The following TLK1 variants were observed in gnomAD, a reference collection of about 807,000 sequenced individuals.
TLK1 encodes serine/threonine-protein kinase tousled-like 1.
A neutral mutation model predicts 105.3 loss-of-function variants in TLK1; 24 were observed. The ratio of observed to expected loss-of-function variants is 0.23; its 90% CI spans 0.17 to 0.32. The LOEUF (loss-of-function observed/expected upper bound fraction) is 0.32. TLK1 is among the 10% of genes least tolerant of loss of function. The pLI is 1.00. For missense variants in TLK1, 558 were observed against 910.5 expected (o/e 0.61, Z 4.98); for synonymous variants, 321 against 310.4 (o/e 1.03, Z -0.36).
intron 18 of TLK1, among the ~76,000 whole-genome samples, chr2:171,003,273 CAA>C (rs777049271): frequency 4.3e-3 from 296 of 68,356 alleles, no homozygotes; most frequent in African/African-American, 0.022. Flanking sequence ...GACTCCGTCT[CAA>C]AAAAAAAAAA....
chr2:171,184,035 C>T (rs569780729), intron 1 of TLK1, among the ~76,000 whole-genome samples: 8 of 152,092 alleles, frequency 5.3e-5, no homozygotes, highest in African/African-American at 1.7e-4. Flanking sequence ...TCTAATCACA[C>T]GGGTCCTTCA....
intron 1 of TLK1, among the ~76,000 whole-genome samples, chr2:171,196,988 T>C (rs1051670891): frequency 1.3e-5 from 2 of 152,318 alleles, no homozygotes; most frequent in South Asian, 4.1e-4. Flanking sequence ...AAGTCATAAT[T>C]TGGGCCTTTA....
At chr2:171,003,663 C>G (rs1050939880) in intron 18 of TLK1, among the ~76,000 whole-genome samples, 16 of 152,198 alleles carry the variant, frequency 1.1e-4, no homozygotes, top group Non-Finnish European at 1.0e-4. Context: ...AACAGATACT[C>G]AAAACAGTTG....
intron 13 of TLK1, among the ~76,000 whole-genome samples, chr2:171,013,317 A>ATT (rs1685014862): frequency 1.1e-5 from 1 of 90,992 alleles, no homozygotes; most frequent in Non-Finnish European, 2.3e-5. Context: ...CTGGCCCCTC[A>ATT]CTTTTTTTTT....
intron 1 of TLK1, among the ~76,000 whole-genome samples, chr2:171,157,360 C>CG (rs1692279769): frequency 1.3e-5 from 2 of 152,204 alleles, no homozygotes; most frequent in South Asian, 4.1e-4. Context: ...CTTTTTAACT[C>CG]GTCACTCCCT....
chr2:171,227,586 T>TG (rs1190023187), intron 1 of TLK1, among the ~76,000 whole-genome samples: 1 of 141,156 alleles, frequency 7.1e-6, no homozygotes, highest in African/African-American at 2.6e-5. Context: ...TTTTTTTTTT[T>TG]TTTTTTTTTT....
chr2:170,995,129 C>T (rs542657148), intron 20 of TLK1, among the ~76,000 whole-genome samples: 23 of 151,846 alleles, frequency 1.5e-4, no homozygotes, highest in African/African-American at 5.6e-4. Flanking sequence ...AACAAAGTTT[C>T]AGAGATCACT....
chr2:171,008,229 T>C (rs1232526866), intron 14 of TLK1, among the ~76,000 whole-genome samples: 2 of 152,072 alleles, frequency 1.3e-5, no homozygotes, highest in Non-Finnish European at 2.9e-5. Context: ...TGAGTGACTC[T>C]GTGCTAATAC....
chr2:171,218,131 G>A (rs1332517521), intron 1 of TLK1, among the ~76,000 whole-genome samples: 3 of 152,234 alleles, frequency 2.0e-5, no homozygotes, highest in African/African-American at 4.8e-5. Flanking sequence ...GCACATGCCT[G>A]TAGTTCCAGC....
intron 1 of TLK1, among the ~76,000 whole-genome samples, chr2:171,228,989 T>C (rs138360551): frequency 9.7e-4 from 148 of 152,350 alleles, no homozygotes; most frequent in Middle Eastern, 6.8e-3. Flanking sequence ...ATTAGATTCA[T>C]GCACTTGGGA....
chr2:171,002,693 T>C (rs556441065), intron 18 of TLK1, among the ~76,000 whole-genome samples: 4 of 152,298 alleles, frequency 2.6e-5, no homozygotes, highest in Admixed American at 2.0e-4. Flanking sequence ...AGTGCTGTGG[T>C]GCAATCTGGG....
intron 1 of TLK1, among the ~76,000 whole-genome samples, chr2:171,129,851 A>ATAACATAACG (rs1303686076): frequency 6.6e-6 from 1 of 151,236 alleles, no homozygotes; most frequent in Non-Finnish European, 1.5e-5. Context: ...ATAACATAAC[A>ATAACATAACG]TAACATAACA....
intron 2 of TLK1, among the ~76,000 whole-genome samples, chr2:171,088,668 G>GT (rs753225467): frequency 2.0e-5 from 3 of 152,144 alleles, no homozygotes; most frequent in Non-Finnish European, 2.9e-5. Context: ...GTGTGCAACA[G>GT]TAACACTGGA....
chr2:171,224,935 G>T (rs1002765235), intron 1 of TLK1, among the ~76,000 whole-genome samples: 7 of 152,152 alleles, frequency 4.6e-5, no homozygotes, highest in African/African-American at 1.4e-4. Context: ...TTCAACAAGG[G>T]TTTCATGACA....
intron 1 of TLK1, among the ~76,000 whole-genome samples, chr2:171,185,012 G>T (rs1693000211): frequency 6.6e-6 from 1 of 151,908 alleles, no homozygotes; most frequent in Non-Finnish European, 1.5e-5. Flanking sequence ...CTAATTTTTT[G>T]CATTTTTTAG....
intron 18 of TLK1, among the ~76,000 whole-genome samples, chr2:171,002,701 G>A (rs184375467): frequency 1.3e-5 from 2 of 152,222 alleles, no homozygotes; most frequent in Admixed American, 1.3e-4. Context: ...GGTGCAATCT[G>A]GGCTTACTGC....
chr2:171,185,135 G>A (rs78250340), intron 1 of TLK1, among the ~76,000 whole-genome samples: 6,890 of 152,002 alleles, frequency 0.045, 456 homozygotes, highest in East Asian at 0.29. Context: ...CACCGAGCCC[G>A]GCCTATAACT....
intron 3 of TLK1, among the ~76,000 whole-genome samples, chr2:171,063,785 C>A (rs1258199197): frequency 6.6e-6 from 1 of 152,170 alleles, no homozygotes; most frequent in Admixed American, 6.5e-5. Flanking sequence ...GATTTCTTTA[C>A]TGCAAGGCTT....
intron 20 of TLK1, chr2:170,994,756 T>C (rs1683973189): frequency 2.0e-6 from 1 of 506,228 alleles, no homozygotes; most frequent in African/African-American, 1.9e-5. Context: ...TAGTTGAGTT[T>C]TGATTGTTTG....
Sources: allele counts gnomAD v4.1 joint callset (sites outside exome capture counted in the v4.1 genomes callset), GRCh38; gene constraint gnomAD v4.1.1; transcripts MANE v1.5; gene names NCBI Gene and HGNC (gene_info 2026-07-23, HGNC 2026-07-21).